Variants in CSGALNACT1 observed in about 807,000 individuals in gnomAD.
The protein encoded by CSGALNACT1 is chondroitin sulfate N-acetylgalactosaminyltransferase 1.
A neutral mutation model predicts 51.0 loss-of-function variants in CSGALNACT1; 52 were observed. That is an observed-to-expected ratio of 1.02 (90% CI 0.82 to 1.29). CSGALNACT1 has a LOEUF of 1.29. CSGALNACT1 is among the 50% of genes most tolerant of loss of function. The pLI is 0.00. For synonymous variants in CSGALNACT1, 341 were observed against 254.4 expected (o/e 1.34, Z -3.24); for missense variants, 935 against 679.2 (o/e 1.38, Z -4.19).
intron 3 of CSGALNACT1, among the ~76,000 whole-genome samples, chr8:19,517,227 T>C (rs1415671799): frequency 6.6e-6 from 1 of 152,086 alleles, no homozygotes. Context: ...CACCTGAGTT[T>C]GGGAGTTCGA....
intron 2 of CSGALNACT1, among the ~76,000 whole-genome samples, chr8:19,594,087 C>T (rs1383840192): frequency 1.3e-5 from 2 of 152,134 alleles, no homozygotes; most frequent in African/African-American, 4.8e-5. Flanking sequence ...GCTGAGGGTA[C>T]ATATTTGACG....
chr8:19,605,711 T>G (rs1170924596), upstream of CSGALNACT1, among the ~76,000 whole-genome samples: 1 of 152,174 alleles, frequency 6.6e-6, no homozygotes, highest in Non-Finnish European at 1.5e-5. Flanking sequence ...GTTGGGACTC[T>G]AAAGATTGGG....
chr8:19,560,734 T>C (rs142553278), intron 3 of CSGALNACT1, among the ~76,000 whole-genome samples: 70 of 152,294 alleles, frequency 4.6e-4, no homozygotes, highest in Non-Finnish European at 2.9e-4. Context: ...CTGACAAAGA[T>C]GTAACACCAC....
intron 1 of CSGALNACT1, among the ~76,000 whole-genome samples, chr8:19,649,841 A>AAAAAAAAAAAAAC (rs1564347596): frequency 3.4e-5 from 5 of 149,130 alleles, no homozygotes; most frequent in Non-Finnish European, 7.4e-5. Context: ...AAAAAAAAAA[A>AAAAAAAAAAAAAC]AAAACCACGG....
intron 6 of CSGALNACT1, among the ~76,000 whole-genome samples, chr8:19,431,392 C>G (rs913143977): frequency 1.3e-5 from 2 of 152,004 alleles, no homozygotes; most frequent in African/African-American, 4.8e-5. Flanking sequence ...GGATTTTTAA[C>G]AAATGCTTTT....
chr8:19,654,484 T>G (rs927473145), intron 1 of CSGALNACT1, among the ~76,000 whole-genome samples: 1 of 152,128 alleles, frequency 6.6e-6, no homozygotes, highest in South Asian at 2.1e-4. Flanking sequence ...CAGGATAAAT[T>G]ATGTTTTCCT....
chr8:19,724,700 A>G (rs2063300808), intron 1 of CSGALNACT1, among the ~76,000 whole-genome samples: 1 of 152,258 alleles, frequency 6.6e-6, no homozygotes, highest in Non-Finnish European at 1.5e-5. Context: ...CACAAGATAC[A>G]ACGAAGGTGC....
At chr8:19,582,520 TA>T (rs2045795034) in intron 3 of CSGALNACT1, among the ~76,000 whole-genome samples, 1 of 152,154 alleles carries the variant, frequency 6.6e-6, no homozygotes, top group Non-Finnish European at 1.5e-5. Context: ...TCAGGAGTGA[TA>T]CACATGACTA....
At chr8:19,694,484 T>C (rs1288603937) in intron 1 of CSGALNACT1, among the ~76,000 whole-genome samples, 3 of 152,216 alleles carry the variant, frequency 2.0e-5, no homozygotes, top group Non-Finnish European at 2.9e-5. Context: ...ATAGAGAAAA[T>C]TGCACATAAT....
intron 1 of CSGALNACT1, among the ~76,000 whole-genome samples, chr8:19,738,012 G>A (rs2064090341): frequency 6.6e-6 from 1 of 152,182 alleles, no homozygotes; most frequent in Non-Finnish European, 1.5e-5. Flanking sequence ...CCAATGAACT[G>A]TACACTTAAA....
At chr8:19,744,916 C>A (rs939364657) in intron 1 of CSGALNACT1, among the ~76,000 whole-genome samples, 4 of 152,184 alleles carry the variant, frequency 2.6e-5, no homozygotes, top group Admixed American at 1.3e-4. Context: ...GGTCCCTATA[C>A]TCCAGGAGTC....
At chr8:19,481,031 T>C (rs536390489) in intron 4 of CSGALNACT1, among the ~76,000 whole-genome samples, 2 of 152,310 alleles carry the variant, frequency 1.3e-5, no homozygotes, top group South Asian at 4.1e-4. Context: ...TCCAAGTGCC[T>C]AAAATGTTGT....
At chr8:19,560,019 G>C (rs945951080) in intron 3 of CSGALNACT1, among the ~76,000 whole-genome samples, 6 of 152,196 alleles carry the variant, frequency 3.9e-5, no homozygotes, top group Non-Finnish European at 8.8e-5. Context: ...AAACCAGTGT[G>C]CTACTGGTAT....
At chr8:19,598,008 C>A (rs2049342537) in intron 2 of CSGALNACT1, among the ~76,000 whole-genome samples, 1 of 152,198 alleles carries the variant, frequency 6.6e-6, no homozygotes, top group Non-Finnish European at 1.5e-5. Context: ...CCCTTACCTG[C>A]CTCCCAAGAT....
chr8:19,449,475 C>A lies in CSGALNACT1; in HGVS notation c.851+8951G>T, dbSNP rs146303696. On this transcript the variant is annotated intron_variant, in intron 5 of 9. Transcript: ENST00000454498. Reference sequence around the variant, plus strand: ...TGATCCAACATTTGCTGACCTGAGGCCTTTCTGTCATATATACCAGCCTCA... The same window carrying A: ...TGATCCAACATTTGCTGACCTGAGGACTTTCTGTCATATATACCAGCCTCA... Among the ~76,000 whole-genome samples, 246 of 152,206 alleles carry A rather than the reference C, an allele frequency of 1.6e-3. 1 individual carries two copies. Among genetic ancestry groups the A allele is most frequent in the African/African-American group, 5.0e-3 (207 of 41,520 alleles).
At chr8:19,492,530 C>G (rs1257032207) in intron 4 of CSGALNACT1, among the ~76,000 whole-genome samples, 1 of 152,184 alleles carries the variant, frequency 6.6e-6, no homozygotes, top group African/African-American at 2.4e-5. Context: ...TGCCATCTAC[C>G]CTGCTGGAGC....
In CSGALNACT1 at chr8:19,712,033, T is replaced by A. The variant is rs539110888; in HGVS notation, c.-297+45817A>T. 2.6e-5 allele frequency among the ~76,000 whole-genome samples: 4 copies of A among 152,064 alleles called. No individual in the cohort carries two copies. The East Asian group carries it at 7.7e-4, about 29-fold the overall frequency. On this transcript the variant is annotated intron_variant, in intron 1 of 1. Transcript: ENST00000517494. ...GGGTTAGAACTCAGAGCTCTTTTAT[T>A]TTTTTCTTTTGAGACAGAGTCTCGC...
intron 3 of CSGALNACT1, among the ~76,000 whole-genome samples, chr8:19,541,291 C>T (rs1255041760): frequency 6.9e-6 from 1 of 144,650 alleles, no homozygotes; most frequent in Admixed American, 7.1e-5. Flanking sequence ...TGCTTAGTCA[C>T]CTAGGCTGGA....
intron 8 of CSGALNACT1, among the ~76,000 whole-genome samples, 161 bp downstream of exon 7, chr8:19,418,495 C>T (rs1377237313): frequency 3.3e-5 from 5 of 152,154 alleles, no homozygotes; most frequent in East Asian, 1.9e-4. Flanking sequence ...TTTTAATCAA[C>T]GAGGCGCCGG....
Sources: gnomAD v4.1 joint callset for allele counts (sites outside exome capture counted in the v4.1 genomes callset) on GRCh38, gnomAD v4.1.1 for gene constraint, MANE v1.5 for transcripts, NCBI Gene and HGNC (gene_info 2026-07-23, HGNC 2026-07-21) for gene names.